Variants in PAX3 observed in about 807,000 individuals in gnomAD.
PAX3 encodes the protein paired box 3.
In PAX3, 14 loss-of-function variants were observed where a neutral mutation model predicts 51.6. That is an observed-to-expected ratio of 0.27 (90% confidence interval 0.18 to 0.42). The LOEUF (loss-of-function observed/expected upper bound fraction) is 0.42. PAX3 is among the 10% of genes least tolerant of loss of function. The pLI, the probability that PAX3 is intolerant of heterozygous loss-of-function variation, is 1.00. For synonymous variants in PAX3, 280 were observed against 253.4 expected (o/e 1.11, Z -1.00); for missense variants, 540 against 642.8 (o/e 0.84, Z 1.73).
Position 222,201,618 on chromosome 2 carries a change from C to G in PAX3, c.1421-176G>C, listed in dbSNP as rs370443359. 1.3e-4 allele frequency: 161 copies of G among 1,286,196 alleles called. 1 individual carries two copies. In the East Asian group the frequency reaches 3.5e-3, roughly 28 times the overall value. The allele number at this position is 1,286,196 out of a possible 1,614,324, so 79.7% of individuals were successfully genotyped here. ...ACTTTGTGTCCCTGGGATTATCCCC[C>G]ATATGATCCTGGAGCTGACCTCATT... On this transcript the variant is annotated intron_variant, in intron 8 of 8. Transcript: ENST00000392070.
rs143721502 is a variant in PAX3, at chr2:222,211,038, T to G, written c.1174-8848A>C. The stretch of plus-strand genomic sequence containing the variant: ...CAGGCCACCATTCCCAGCTAATTTT[T>G]GTATGTTTTGTAGAGACGAGGTCTC... On this transcript the variant is annotated intron_variant, in intron 7 of 8. Coordinates refer to ENST00000392070, the MANE Select transcript of PAX3 (RefSeq NM_181458.4). Among the ~76,000 whole-genome samples the G allele has an allele frequency of 6.0e-3, 914 of 152,164 alleles. 11 individuals carry two copies. Among genetic ancestry groups the G allele is most frequent in the Middle Eastern group, 0.051 (15 of 294 alleles).
chr2:222,221,117 T>G, intron 6 of PAX3, 105 bp downstream of exon 6: 1 of 1,079,500 alleles, frequency 9.3e-7, no homozygotes, highest in Non-Finnish European at 1.4e-6. Flanking sequence ...GTATTACAAT[T>G]AACAACATGG....
chr2:222,232,122 C>T lies in PAX3; in HGVS notation c.748G>A (p.Glu250Lys). 1 of 1,614,044 alleles carries T rather than the reference C, an allele frequency of 6.2e-7. No individual in the cohort carries two copies. The highest frequency in any genetic ancestry group is 1.1e-5 in the South Asian group (1 of 91,082). Residue 250 changes from glutamate to lysine, a missense_variant, in exon 5 of 9, where the codon GAG (glutamate) becomes AAG (lysine). Transcript: ENST00000392070. ...RTHYPDIYTR[E>K]ELAQRAKLTE... ...AGCTTCGCCCTCTGGGCCAGTTCCT[C>T]CCTAGTATAAATGTCAGGGTAATGA...
At chr2:222,260,009 T>C (rs567647949) in intron 4 of PAX3, among the ~76,000 whole-genome samples, 17 of 151,900 alleles carry the variant, frequency 1.1e-4, no homozygotes, top group African/African-American at 3.1e-4. Context: ...GCTGGGACTA[T>C]AGGCACACAC....
At chr2:222,234,045 T>G (rs1253347867) in intron 4 of PAX3, among the ~76,000 whole-genome samples, 3 of 152,198 alleles carry the variant, frequency 2.0e-5, no homozygotes, top group Admixed American at 2.0e-4. Context: ...GTAGAAATTT[T>G]AAACTGCCCC....
rs1192586357 is a variant in PAX3, at chr2:222,220,143, A to G, written c.1170T>C (p.Pro390=). ...MNPTIGNGLS[P]QVMGLLTNHG... is the part of the protein sequence containing the mutation. ...TGTCTAGAAACACGGGACTGACCTG[A>G]GGTGAGAGGCCATTGCCAATGGTGG... is the stretch of plus-strand genomic sequence containing the variant. Residue 390 remains proline (P), a synonymous_variant, in exon 7 of 9, where the codon CCT becomes CCC. Coordinates refer to ENST00000392070, the MANE Select transcript of PAX3 (RefSeq NM_181458.4). The G allele has an allele frequency of 2.5e-6, 4 of 1,612,960 alleles. No homozygotes were observed. In the African/African-American group the frequency reaches 4.0e-5, roughly 16 times the overall value.
At chr2:222,210,783 A>G (rs1318647740) in intron 7 of PAX3, among the ~76,000 whole-genome samples, 1 of 152,156 alleles carries the variant, frequency 6.6e-6, no homozygotes, top group Non-Finnish European at 1.5e-5. Context: ...ATTTACCAAC[A>G]TACCGCCTTT....
intron 5 of PAX3, among the ~76,000 whole-genome samples, chr2:222,228,111 CA>C (rs1692452061): frequency 6.6e-6 from 1 of 152,124 alleles, no homozygotes; most frequent in African/African-American, 2.4e-5. Flanking sequence ...TTTCTTCTGG[CA>C]TTTTAATCAG....
rs1158434758 is a variant in PAX3 at position 222,295,418 on chromosome 2, C to T, written c.451+110G>A. ...AATATTGCAGGGCCTCGGGAGAGGC[C>T]ACCTCCCAATAGCTGAGATCGATAA... is the stretch of plus-strand genomic sequence containing the variant. On this transcript the variant is annotated intron_variant, in intron 3 of 8. Transcript: ENST00000392070. The T allele has an allele frequency of 4.5e-6, 6 of 1,331,570 alleles. No homozygotes were observed. The African/African-American group carries it at 8.6e-5, about 19-fold the overall frequency. 82.5% of individuals were successfully genotyped at this position (1,331,570 alleles called of 1,614,324 possible).
At chr2:222,202,880 A>G (rs1180180043) in intron 7 of PAX3, among the ~76,000 whole-genome samples, 1 of 151,374 alleles carries the variant, frequency 6.6e-6, no homozygotes, top group Non-Finnish European at 1.5e-5. Flanking sequence ...CAATCTATTC[A>G]TCTTTATATC....
chr2:222,294,417 G>A lies in PAX3; in HGVS notation c.452-116C>T. ...GCCAGGGCCCTAGAGCCGCTGCCCT[G>A]CACTGCTCGCGGGTGTCTCCTCCTG... On this transcript the variant is annotated intron_variant, in intron 3 of 8. Transcript: ENST00000392070. 3.6e-6 allele frequency: 4 copies of A among 1,121,964 alleles called. No homozygotes were observed. The Admixed American group carries it at 7.7e-5, about 22-fold the overall frequency. 69.5% of individuals were successfully genotyped at this position (1,121,964 alleles called of 1,614,324 possible). A position where few individuals can be genotyped will look rare whatever the true frequency, so the allele number is the denominator to read the frequency against.
chr2:222,201,324 T>G lies in PAX3; in HGVS notation c.*84A>C. 1 of 1,611,308 alleles carries G rather than the reference T, an allele frequency of 6.2e-7. No homozygotes were observed. Among genetic ancestry groups the G allele is most frequent in the Non-Finnish European group, 8.5e-7 (1 of 1,179,458 alleles). On this transcript the variant is annotated 3_prime_UTR_variant, in exon 9 of 9. Coordinates refer to ENST00000392070, the MANE Select transcript of PAX3 (RefSeq NM_181458.4). The stretch of plus-strand genomic sequence containing the variant: ...CCCCCCCCAACAAAAGGGTAATTTT[T>G]TTTTGTTTTCAGAGCAGATTCTTCA...
intron 4 of PAX3, among the ~76,000 whole-genome samples, chr2:222,269,303 T>G (rs1168305194): frequency 1.3e-5 from 2 of 152,188 alleles, no homozygotes; most frequent in Non-Finnish European, 2.9e-5. Flanking sequence ...GAGGCCCAGG[T>G]TCGTCCCTAC....
At position 222,201,981 on chromosome 2, in the gene PAX3, G is replaced by A. The variant is rs776696114; in HGVS notation, c.1383C>T (p.Asp461=). 2 of 1,614,006 alleles carry A rather than the reference G, an allele frequency of 1.2e-6. No homozygotes were observed. The highest frequency in any genetic ancestry group is 1.7e-6 in the Non-Finnish European group (2 of 1,179,962). The change falls in exon 8 of 9, where the codon GAC becomes GAT. Residue 461 remains aspartate (D), a synonymous_variant. Coordinates refer to ENST00000392070, the MANE Select transcript of PAX3 (RefSeq NM_181458.4). ...GCCCATATTGGTAGCCTGTGACAGG[G>A]TCCATACTGTAGCCTGTGGTGCTAT... The part of the protein sequence containing the change: ...PTYSTTGYSM[D]PVTGYQYGQY...
At chr2:222,215,102 C>T (rs1240052179) in intron 7 of PAX3, among the ~76,000 whole-genome samples, 3 of 151,896 alleles carry the variant, frequency 2.0e-5, no homozygotes, top group African/African-American at 7.3e-5. Context: ...TTCCTCTTTT[C>T]AGGGAGGAAA....
intron 4 of PAX3, among the ~76,000 whole-genome samples, chr2:222,287,144 C>A (rs1694860483): frequency 6.6e-6 from 1 of 152,162 alleles, no homozygotes; most frequent in African/African-American, 2.4e-5. Flanking sequence ...GAGCTAAAAG[C>A]TGAGTTGTGT....
At chr2:222,272,424 T>G (rs1261051763) in intron 4 of PAX3, among the ~76,000 whole-genome samples, 2 of 152,208 alleles carry the variant, frequency 1.3e-5, no homozygotes, top group Non-Finnish European at 2.9e-5. Flanking sequence ...TGGGTAACAT[T>G]TGTTATGAAG....
chr2:222,202,932 C>T (rs1389599444), intron 7 of PAX3, among the ~76,000 whole-genome samples: 3 of 144,304 alleles, frequency 2.1e-5, no homozygotes, highest in Admixed American at 1.4e-4. Context: ...TATTAAGTGC[C>T]GAATGAATGA....
intron 3 of PAX3, 111 bp downstream of exon 3, chr2:222,295,417 C>A (rs1695242287): frequency 2.3e-6 from 3 of 1,313,620 alleles, no homozygotes; most frequent in South Asian, 2.4e-5. Flanking sequence ...TCGGGAGAGG[C>A]CACCTCCCAA....
Sources: allele counts gnomAD v4.1 joint callset (sites outside exome capture counted in the v4.1 genomes callset), GRCh38; gene constraint gnomAD v4.1.1; transcripts MANE v1.5; gene names NCBI Gene and HGNC (gene_info 2026-07-23, HGNC 2026-07-21).